ZCWPW2: variants seen among roughly 807,000 people sequenced by gnomAD.
The protein encoded by ZCWPW2 is zinc finger CW-type and PWWP domain containing 2.
Under a neutral mutation model 46.6 loss-of-function variants are expected in ZCWPW2, and 45 were observed. The observed-to-expected ratio is 0.96, with a 90% CI of 0.76 to 1.24. The LOEUF (loss-of-function observed/expected upper bound fraction) is 1.24. ZCWPW2 is among the 50% of genes most tolerant of loss of function. The pLI is 0.00. For missense variants in ZCWPW2, 429 were observed against 403.9 expected, an observed-to-expected ratio of 1.06 and a Z score of -0.53; for synonymous variants, 152 against 137.1, an observed-to-expected ratio of 1.11 and a Z score of -0.76.
chr3:28,417,639 C>T (rs1374616251), intron 3 of ZCWPW2, among the ~76,000 whole-genome samples: 2 of 136,786 alleles, frequency 1.5e-5, no homozygotes, highest in African/African-American at 5.6e-5. Flanking sequence ...AAACCGAATC[C>T]AGCAGCACAT....
chr3:28,482,211 T>C (rs929530113), intron 5 of ZCWPW2, among the ~76,000 whole-genome samples: 2 of 152,240 alleles, frequency 1.3e-5, no homozygotes, highest in African/African-American at 4.8e-5. Context: ...TCCATAGTTT[T>C]GGCTTTTCCA....
intron 5 of ZCWPW2, among the ~76,000 whole-genome samples, chr3:28,488,382 C>T (rs1394435177): frequency 6.6e-6 from 1 of 152,094 alleles, no homozygotes; most frequent in Non-Finnish European, 1.5e-5. Context: ...CACCTTTGTA[C>T]ATGTTGTTGG....
At chr3:28,388,882 C>T (rs1575077817) in intron 1 of ZCWPW2, among the ~76,000 whole-genome samples, 1 of 152,128 alleles carries the variant, frequency 6.6e-6, no homozygotes, top group Non-Finnish European at 1.5e-5. Context: ...AGTCACAGTA[C>T]GTGGTAATAC....
chr3:28,398,622 C>A (rs758186097), intron 2 of ZCWPW2, among the ~76,000 whole-genome samples: 1 of 152,144 alleles, frequency 6.6e-6, no homozygotes, highest in Non-Finnish European at 1.5e-5. Flanking sequence ...GGTGTCCAAA[C>A]TGTGGAAGTG....
chr3:28,508,716 C>T (rs1484803884), intron 6 of ZCWPW2, among the ~76,000 whole-genome samples: 9 of 152,102 alleles, frequency 5.9e-5, no homozygotes, highest in East Asian at 5.8e-4. Context: ...TTAGTAGAGA[C>T]GGGGTTTCAC....
chr3:28,487,213 T>C (rs1257465161), intron 5 of ZCWPW2, among the ~76,000 whole-genome samples: 2 of 152,108 alleles, frequency 1.3e-5, no homozygotes, highest in Non-Finnish European at 2.9e-5. Context: ...TGCATCTCTT[T>C]TCATTCTGGT....
At chr3:28,388,053 A>G (rs1695340707) in intron 1 of ZCWPW2, among the ~76,000 whole-genome samples, 1 of 152,160 alleles carries the variant, frequency 6.6e-6, no homozygotes, top group African/African-American at 2.4e-5. Flanking sequence ...TGGAGACAGA[A>G]AAGAGTGGCA....
At chr3:28,463,600 A>C (rs1208067245) in intron 4 of ZCWPW2, among the ~76,000 whole-genome samples, 1 of 152,338 alleles carries the variant, frequency 6.6e-6, no homozygotes, top group East Asian at 1.9e-4. Context: ...AGTGAGGTAC[A>C]AGAGTATGTA....
At chr3:28,379,596 C>G (rs929429446) in intron 1 of ZCWPW2, among the ~76,000 whole-genome samples, 1 of 152,222 alleles carries the variant, frequency 6.6e-6, no homozygotes, top group Admixed American at 6.5e-5. Flanking sequence ...AAATACCTCT[C>G]TGTTCTATTT....
At chr3:28,356,544 CACAT>C (rs1704738777) in intron 1 of ZCWPW2, among the ~76,000 whole-genome samples, 1 of 152,324 alleles carries the variant, frequency 6.6e-6, no homozygotes, top group Admixed American at 6.5e-5. Context: ...ACTCTAAAGA[CACAT>C]GCACACATAT....
At chr3:28,440,915 G>A (rs1235935941) in intron 4 of ZCWPW2, among the ~76,000 whole-genome samples, 1 of 152,182 alleles carries the variant, frequency 6.6e-6, no homozygotes, top group African/African-American at 2.4e-5. Flanking sequence ...CCAGGTAGCT[G>A]GCTGATCACC....
chr3:28,382,592 A>C (rs767658624), intron 1 of ZCWPW2, among the ~76,000 whole-genome samples: 1 of 152,138 alleles, frequency 6.6e-6, no homozygotes. Flanking sequence ...AATACTTACT[A>C]TTGTGCCAAA....
intron 8 of ZCWPW2, among the ~76,000 whole-genome samples, chr3:28,519,344 G>A (rs953521327): frequency 3.0e-4 from 46 of 152,252 alleles, no homozygotes; most frequent in African/African-American, 1.1e-3. Context: ...CTGCCCCTTA[G>A]TAGGTAAACA....
At chr3:28,358,012 A>G (rs970081317) in intron 1 of ZCWPW2, among the ~76,000 whole-genome samples, 44 of 151,752 alleles carry the variant, frequency 2.9e-4, no homozygotes, top group Admixed American at 5.3e-4. Context: ...CACTGAAATT[A>G]CCTTATTAAT....
At chr3:28,470,884 A>G (rs1699017750) in intron 4 of ZCWPW2, among the ~76,000 whole-genome samples, 1 of 152,130 alleles carries the variant, frequency 6.6e-6, no homozygotes, top group South Asian at 2.1e-4. Flanking sequence ...AAAAAAAGAG[A>G]TAAGACCCAA....
At chr3:28,452,113 A>G (rs1037367039) in intron 4 of ZCWPW2, among the ~76,000 whole-genome samples, 1 of 152,198 alleles carries the variant, frequency 6.6e-6, no homozygotes, top group African/African-American at 2.4e-5. Flanking sequence ...TTTGGTAGTA[A>G]TTTACAATAG....
In ZCWPW2 at chr3:28,525,257, T is replaced by C. The variant is rs1391386669; in HGVS notation, c.*569T>C. ...AAAACTGACTGCTTAATAGAGTCTCTGGGAGATTTTGGAAGATCAAAATCC... is the reference window on the plus strand; with the variant it reads ...AAAACTGACTGCTTAATAGAGTCTCCGGGAGATTTTGGAAGATCAAAATCC... On this transcript the variant is annotated 3_prime_UTR_variant, in exon 10 of 10. Transcript: ENST00000383768. 4.6e-5 allele frequency: 7 copies of C among 152,224 alleles called. No homozygotes were observed. Among genetic ancestry groups the C allele is most frequent in the Admixed American group, 6.6e-5 (1 of 15,260 alleles). The allele number at this position is 152,224 out of a possible 1,614,324, so 9.4% of individuals were successfully genotyped here. A position where few individuals can be genotyped will look rare whatever the true frequency, so the allele number is the denominator to read the frequency against.
intron 1 of ZCWPW2, among the ~76,000 whole-genome samples, chr3:28,376,744 T>C (rs938177587): frequency 1.3e-5 from 2 of 152,082 alleles, no homozygotes; most frequent in African/African-American, 2.4e-5. Context: ...TACTCCACCA[T>C]TTTGGTGATG....
At chr3:28,422,556 A>T (rs1185053274) in intron 3 of ZCWPW2, among the ~76,000 whole-genome samples, 1 of 152,086 alleles carries the variant, frequency 6.6e-6, no homozygotes, top group East Asian at 1.9e-4. Flanking sequence ...ATTACTCAGT[A>T]TTTTTGCTAC....
Sources: allele counts gnomAD v4.1 joint callset (sites outside exome capture counted in the v4.1 genomes callset), GRCh38; gene constraint gnomAD v4.1.1; transcripts MANE v1.5; gene names NCBI Gene and HGNC (gene_info 2026-07-23, HGNC 2026-07-21).